C16orf92: variants seen among roughly 807,000 people sequenced by gnomAD.
C16orf92 encodes the protein fertilization-influencing membrane protein 1.
Under a neutral mutation model 13.7 loss-of-function variants are expected in C16orf92, and 14 were observed. The observed-to-expected ratio is 1.02, with a 90% CI of 0.67 to 1.60. The LOEUF (loss-of-function observed/expected upper bound fraction) is 1.60. Among genes scored for constraint, C16orf92 ranks in the 40% most tolerant of loss-of-function variants. The pLI, the probability that C16orf92 is intolerant of heterozygous loss-of-function variation, is 0.00. For missense variants in C16orf92, 116 were observed against 139.0 expected, an observed-to-expected ratio of 0.83 and a Z score of 0.83; for synonymous variants, 50 against 57.4, an observed-to-expected ratio of 0.87 and a Z score of 0.58.
downstream of C16orf92, chr16:30,025,299 C>T (rs1258734416): frequency 6.4e-7 from 1 of 1,557,230 alleles, no homozygotes; most frequent in Non-Finnish European, 8.7e-7. This position sits in a 1 kb window ranked among gnomAD's most constrained non-coding sequence, Gnocchi z 4.1. Flanking sequence ...AGCGCAGCGC[C>T]CAGGTTGACG....
intron 2 of C16orf92, 44 bp downstream of exon 2, chr16:30,023,929 T>C (rs1478772661): frequency 1.9e-6 from 3 of 1,594,328 alleles, no homozygotes; most frequent in African/African-American, 1.3e-5. Flanking sequence ...CGCCAGGGTC[T>C]GGAGGAGAGC....
At chr16:30,025,074 T>A (rs950807126), downstream of C16orf92, 33 of 732,016 alleles carry the variant, frequency 4.5e-5, no homozygotes, top group African/African-American at 5.4e-4. The surrounding 1 kb of genome is among the most constrained non-coding windows in gnomAD (Gnocchi z 4.1). Context: ...TCGTCAGTCC[T>A]GGGGTTGTCC....
downstream of C16orf92, chr16:30,026,517 G>A (rs376816051): frequency 3.3e-4 from 377 of 1,125,996 alleles, 6 homozygotes; most frequent in South Asian, 2.6e-3. Context: ...TTGTCAGTAC[G>A]CAGACCCGGG....
At chr16:30,025,600 T>C, downstream of C16orf92, 1 of 1,468,542 alleles carries the variant, frequency 6.8e-7, no homozygotes, top group African/African-American at 1.4e-5. The surrounding 1 kb of genome is among the most constrained non-coding windows in gnomAD (Gnocchi z 4.1). Context: ...AAGCACCAGG[T>C]GCTCAAAATG....
At chr16:30,025,381 G>C, downstream of C16orf92, 1 of 1,609,314 alleles carries the variant, frequency 6.2e-7, no homozygotes, top group Non-Finnish European at 8.5e-7. The surrounding 1 kb of genome is among the most constrained non-coding windows in gnomAD (Gnocchi z 4.1). Flanking sequence ...AGTACAGGTA[G>C]GGAAAGAGCA....
chr16:30,023,492 C>T lies in C16orf92; in HGVS notation c.64+88C>T, dbSNP rs1648052947. The T allele has an allele frequency of 3.5e-6, 5 of 1,427,876 alleles. No individual in the cohort carries two copies. The South Asian group carries it at 6.0e-5, about 17-fold the overall frequency. The allele number at this position is 1,427,876 out of a possible 1,614,324, so 88.5% of individuals were successfully genotyped here. A position where few individuals can be genotyped will look rare whatever the true frequency, so the allele number is the denominator to read the frequency against. ...CCACTTAGGGACTCGGAAGCCAACCCTGCACCCTCTCATTTTCTCTCCACT... is the reference window on the plus strand; with the variant it reads ...CCACTTAGGGACTCGGAAGCCAACCTTGCACCCTCTCATTTTCTCTCCACT... On this transcript the variant is annotated intron_variant, in intron 1 of 3. Transcript: ENST00000681219.
At chr16:30,025,563 C>T (rs1354583711), downstream of C16orf92, 1 of 1,549,952 alleles carries the variant, frequency 6.5e-7, no homozygotes, top group African/African-American at 1.4e-5. The surrounding 1 kb of genome is among the most constrained non-coding windows in gnomAD (Gnocchi z 4.1). Flanking sequence ...GGCAGCTCCT[C>T]CCAAACCAGA....
chr16:30,027,707 C>G (rs2071209765), downstream of C16orf92: 1 of 453,386 alleles, frequency 2.2e-6, no homozygotes. Flanking sequence ...GATGAATAGA[C>G]AAGACAGCAT....
downstream of C16orf92, chr16:30,025,842 G>A: frequency 6.3e-6 from 10 of 1,599,712 alleles, no homozygotes; most frequent in Non-Finnish European, 8.6e-6. The surrounding 1 kb of genome is among the most constrained non-coding windows in gnomAD (Gnocchi z 4.1). Context: ...AGGCAGGAAG[G>A]TGAGGAGCTG....
At chr16:30,025,534 C>A (rs146596432), downstream of C16orf92, 1,325 of 1,590,836 alleles carry the variant, frequency 8.3e-4, 9 homozygotes, top group East Asian at 0.013. This position sits in a 1 kb window ranked among gnomAD's most constrained non-coding sequence, Gnocchi z 4.1. Context: ...CCTCTCCCTG[C>A]CTCCCTGCGA....
chr16:30,027,383 T>C (rs2071194710), downstream of C16orf92, among the ~76,000 whole-genome samples: 1 of 152,188 alleles, frequency 6.6e-6, no homozygotes, highest in Admixed American at 6.5e-5. Flanking sequence ...TCATCCCCAC[T>C]GTACAGGTGA....
chr16:30,023,561 C>T (rs1001399239), intron 1 of C16orf92, 157 bp downstream of exon 1: 19 of 1,432,788 alleles, frequency 1.3e-5, no homozygotes, highest in Middle Eastern at 3.6e-4. Flanking sequence ...CCAACAACCG[C>T]GAGCCTTGTC....
downstream of C16orf92, among the ~76,000 whole-genome samples, chr16:30,026,393 C>T (rs958627632): frequency 6.6e-6 from 1 of 152,160 alleles, no homozygotes; most frequent in African/African-American, 2.4e-5. Context: ...GAGCCACAGC[C>T]GGGCATCGTC....
downstream of C16orf92, chr16:30,024,995 G>A (rs1567293826): frequency 1.9e-6 from 1 of 531,298 alleles, no homozygotes; most frequent in Non-Finnish European, 3.3e-6. Flanking sequence ...GGGCAGAGTA[G>A]GGGGAAGAGG....
At chr16:30,025,616 G>A, downstream of C16orf92, 1 of 1,464,620 alleles carries the variant, frequency 6.8e-7, no homozygotes, top group South Asian at 1.1e-5. This position sits in a 1 kb window ranked among gnomAD's most constrained non-coding sequence, Gnocchi z 4.1. Flanking sequence ...AAATGCACGG[G>A]GTGAGGGGGG....
At chr16:30,026,166 C>G (rs996248434), downstream of C16orf92, among the ~76,000 whole-genome samples, 1 of 149,158 alleles carries the variant, frequency 6.7e-6, no homozygotes, top group East Asian at 2.0e-4. Context: ...ACTCAGGAGG[C>G]GGAGGTTTCA....
chr16:30,026,986 A>G (rs888118788), downstream of C16orf92: 2 of 743,254 alleles, frequency 2.7e-6, no homozygotes, highest in Admixed American at 2.0e-5. Context: ...GTAGAGGGTG[A>G]GAAACTTGCC....
chr16:30,024,910 C>CTTCCTGTG, downstream of C16orf92: 1 of 410,752 alleles, frequency 2.4e-6, no homozygotes, highest in Admixed American at 4.2e-5. Flanking sequence ...TGTCCCTCCC[C>CTTCCTGTG]ACAAGCCCTC....
At chr16:30,025,296 C>G (rs933771891), downstream of C16orf92, 1 of 1,554,478 alleles carries the variant, frequency 6.4e-7, no homozygotes, top group South Asian at 1.2e-5. This position sits in a 1 kb window ranked among gnomAD's most constrained non-coding sequence, Gnocchi z 4.1. Context: ...AGCAGCGCAG[C>G]GCCCAGGTTG....
Sources: gnomAD v4.1 joint callset for allele counts (sites outside exome capture counted in the v4.1 genomes callset) on GRCh38, gnomAD v4.1.1 for gene constraint, Gnocchi (gnomAD v3.1) non-coding constraint, MANE v1.5 for transcripts, NCBI Gene and HGNC (gene_info 2026-07-23, HGNC 2026-07-21) for gene names.